The following GSE1 variants were observed in gnomAD, a reference collection of about 807,000 sequenced individuals.
GSE1 encodes the protein genetic suppressor element 1.
In GSE1, 32 loss-of-function variants were observed where a neutral mutation model predicts 112.6. The observed-to-expected ratio is 0.28, with a 90% confidence interval of 0.21 to 0.38. GSE1 has a LOEUF of 0.38. Among genes scored for constraint, GSE1 ranks in the 10% least tolerant of loss-of-function variants. The probability of loss-of-function intolerance (pLI) is 1.00; values close to 1 mark genes in which losing one functional copy is unlikely to be tolerated. For missense variants in GSE1, 2,348 were observed against 1,699.2 expected (o/e 1.38, Z -6.71); for synonymous variants, 1,115 against 735.6 (o/e 1.52, Z -8.35).
intron 2 of GSE1, among the ~76,000 whole-genome samples, chr16:85,516,270 C>A (rs2051932489): frequency 6.6e-6 from 1 of 151,974 alleles, no homozygotes; most frequent in Non-Finnish European, 1.5e-5. Flanking sequence ...CTTGGGCAGG[C>A]TGCTGCTCTA....
In GSE1 at chr16:85,660,341, C is replaced by T. The variant is rs141008730; in HGVS notation, c.1641-805C>T. Among the ~76,000 whole-genome samples the T allele has an allele frequency of 1.6e-4, 25 of 152,254 alleles. No homozygotes were observed. The East Asian group carries it at 1.7e-3, about 11-fold the overall frequency. ...CTTGGAGCAGCCTGCACACACCTGC[C>T]GCAGGTGTTGGAGGGCCGGGCACAG... On this transcript the variant is annotated intron_variant, in intron 8 of 15. Transcript: ENST00000253458.
intron 2 of GSE1, among the ~76,000 whole-genome samples, chr16:85,548,885 G>C (rs2044801517): frequency 6.6e-6 from 1 of 152,190 alleles, no homozygotes. Flanking sequence ...CGCCTCCTGG[G>C]TTCAAGTGAT....
intron 1 of GSE1, among the ~76,000 whole-genome samples, chr16:85,569,904 G>A (rs1182330737): frequency 1.3e-5 from 2 of 152,220 alleles, no homozygotes; most frequent in Non-Finnish European, 2.9e-5. Flanking sequence ...CCACCTCTGT[G>A]TGGAGATGAG....
At chr16:85,590,942 G>A (rs1442499315) in intron 1 of GSE1, among the ~76,000 whole-genome samples, 1 of 152,172 alleles carries the variant, frequency 6.6e-6, no homozygotes, top group African/African-American at 2.4e-5. Context: ...CGGTGGGGGG[G>A]ACCAGACGTG....
intron 1 of GSE1, among the ~76,000 whole-genome samples, chr16:85,297,322 G>C (rs2045396446): frequency 6.6e-6 from 1 of 150,648 alleles, no homozygotes; most frequent in South Asian, 2.1e-4. Flanking sequence ...ACTCGCCGAA[G>C]GGTAGGGGCA....
chr16:85,665,888 T>G, intron 12 of GSE1, 88 bp from the exon 13 acceptor site: 1 of 1,288,502 alleles, frequency 7.8e-7, no homozygotes, highest in Non-Finnish European at 1.1e-6. Flanking sequence ...TTGTTAAGTG[T>G]AAGCTCTAGA....
At chr16:85,551,313 T>G (rs1230188270), upstream of GSE1, among the ~76,000 whole-genome samples, 1 of 152,190 alleles carries the variant, frequency 6.6e-6, no homozygotes, top group Non-Finnish European at 1.5e-5. Flanking sequence ...CCTTCTCACA[T>G]GGGCACCTGG....
intron 2 of GSE1, among the ~76,000 whole-genome samples, chr16:85,470,443 C>T (rs115136194): frequency 9.1e-4 from 138 of 152,274 alleles, no homozygotes; most frequent in African/African-American, 3.1e-3. Flanking sequence ...GTCTCTTTCC[C>T]GAGTGACATG....
At chr16:85,491,538 G>T (rs115809371) in intron 2 of GSE1, among the ~76,000 whole-genome samples, 2 of 152,218 alleles carry the variant, frequency 1.3e-5, no homozygotes, top group Non-Finnish European at 2.9e-5. Flanking sequence ...TCTGGCAGGG[G>T]TGCTGGGGCG....
At chr16:85,493,072 G>A (rs1281700781) in intron 2 of GSE1, among the ~76,000 whole-genome samples, 1 of 152,192 alleles carries the variant, frequency 6.6e-6, no homozygotes, top group Non-Finnish European at 1.5e-5. Flanking sequence ...GGCTGGTGGG[G>A]GGATGTTGGA....
At chr16:85,227,146 C>T (rs1180507106) in intron 1 of GSE1, among the ~76,000 whole-genome samples, 1 of 152,174 alleles carries the variant, frequency 6.6e-6, no homozygotes, top group Non-Finnish European at 1.5e-5. Flanking sequence ...CCCATCTGTT[C>T]ATTGGTCCGT....
rs777921248 is a variant in GSE1, at chr16:85,676,034, G to A, written c.*3495G>A. On this transcript the variant is annotated 3_prime_UTR_variant, in exon 16 of 16. Transcript: ENST00000253458. ...TGGGAGGGAGGAACACCGGTGCCTC[G>A]GTCACTCTGGGGGCAGTTTAGATGC... 6.5e-6 allele frequency: 1 copy of A among 152,700 alleles called. No individual in the cohort carries two copies. The highest frequency in any genetic ancestry group is 2.1e-4 in the South Asian group (1 of 4,826). 9.5% of individuals were successfully genotyped at this position (152,700 alleles called of 1,614,324 possible).
intron 1 of GSE1, among the ~76,000 whole-genome samples, chr16:85,578,253 T>C (rs1007308191): frequency 6.6e-6 from 1 of 152,240 alleles, no homozygotes; most frequent in Non-Finnish European, 1.5e-5. Context: ...CCCCAGGTTT[T>C]ATGGCTGGAG....
chr16:85,303,427 C>T (rs1440333376), intron 1 of GSE1, among the ~76,000 whole-genome samples: 1 of 152,344 alleles, frequency 6.6e-6, no homozygotes, highest in African/African-American at 2.4e-5. Flanking sequence ...TGCCGCGCAT[C>T]CCCTCCTCCT....
intron 1 of GSE1, among the ~76,000 whole-genome samples, chr16:85,586,944 G>A (rs944030050): frequency 6.6e-6 from 1 of 152,236 alleles, no homozygotes; most frequent in African/African-American, 2.4e-5. Flanking sequence ...CAGGGGGCTG[G>A]ATGGAGCTGT....
At chr16:85,316,052 G>A (rs1411601269) in intron 1 of GSE1, among the ~76,000 whole-genome samples, 4 of 152,216 alleles carry the variant, frequency 2.6e-5, no homozygotes, top group African/African-American at 4.8e-5. Context: ...TGTCCCACCC[G>A]ATGGACGGCA....
At chr16:85,191,970 A>G (rs1325141231) in intron 1 of GSE1, among the ~76,000 whole-genome samples, 1 of 152,210 alleles carries the variant, frequency 6.6e-6, no homozygotes, top group Non-Finnish European at 1.5e-5. Flanking sequence ...AAGGAGGACA[A>G]GGGCAGCAGT....
intron 3 of GSE1, among the ~76,000 whole-genome samples, chr16:85,650,803 G>A (rs992837243): frequency 1.4e-5 from 2 of 145,386 alleles, no homozygotes; most frequent in African/African-American, 5.0e-5. Flanking sequence ...CCTCCCACCC[G>A]GCCCAAAGCT....
chr16:85,326,078 A>G (rs1201479947), intron 1 of GSE1, among the ~76,000 whole-genome samples: 1 of 152,098 alleles, frequency 6.6e-6, no homozygotes, highest in Non-Finnish European at 1.5e-5. Context: ...TCATATGAAA[A>G]ATTTGACAGG....
Sources: gnomAD v4.1 joint callset for allele counts (sites outside exome capture counted in the v4.1 genomes callset) on GRCh38, gnomAD v4.1.1 for gene constraint, MANE v1.5 for transcripts, NCBI Gene and HGNC (gene_info 2026-07-23, HGNC 2026-07-21) for gene names.